BAP1: variants seen among roughly 807,000 people sequenced by gnomAD.
BAP1 encodes BRCA1 associated deubiquitinase 1, also known as ubiquitin carboxyl-terminal hydrolase BAP1.
In BAP1, 16 loss-of-function variants were observed where a neutral mutation model predicts 77.2. The ratio of observed to expected loss-of-function variants is 0.21; its 90% CI spans 0.14 to 0.31. BAP1 has a LOEUF of 0.31. BAP1 is among the 10% of genes least tolerant of loss of function. The probability of loss-of-function intolerance (pLI) is 1.00; values close to 1 mark genes in which losing one functional copy is unlikely to be tolerated. For synonymous variants in BAP1, 362 were observed against 385.2 expected (o/e 0.94, Z 0.71); for missense variants, 699 against 967.3 (o/e 0.72, Z 3.68).
chr3:52,401,274 G>C lies in BAP1; in HGVS notation c.*1014C>G. On this transcript the variant is annotated 3_prime_UTR_variant, in exon 17 of 17. Transcript: ENST00000460680. ...GGCATCAGGTCCTCTGGAACACAGGGGCTCCAACGGGTTGTCTTGATCCTG... is the reference window on the plus strand; with the variant it reads ...GGCATCAGGTCCTCTGGAACACAGGCGCTCCAACGGGTTGTCTTGATCCTG... 4.3e-6 allele frequency: 1 copy of C among 233,388 alleles called. No homozygotes were observed. Among genetic ancestry groups the C allele is most frequent in the Non-Finnish European group, 8.5e-6 (1 of 117,970 alleles). 14.5% of individuals were successfully genotyped at this position (233,388 alleles called of 1,614,324 possible). A position where few individuals can be genotyped will look rare whatever the true frequency, so the allele number is the denominator to read the frequency against.
In BAP1 at chr3:52,406,536, C is replaced by A; in HGVS notation, c.660-160G>T. The A allele has an allele frequency of 8.7e-7, 1 of 1,155,204 alleles. No individual in the cohort carries two copies. 71.6% of individuals were successfully genotyped at this position (1,155,204 alleles called of 1,614,324 possible). A position where few individuals can be genotyped will look rare whatever the true frequency, so the allele number is the denominator to read the frequency against. On this transcript the variant is annotated intron_variant, in intron 8 of 16. Transcript: ENST00000460680. This position sits in a 1 kb window ranked among gnomAD's most constrained non-coding sequence, Gnocchi z 4.6. ...GCGACTAGCCATACATGCCAGGCAC[C>A]TGAGCTGGTACCTTCCAACAAGCTG... is the stretch of plus-strand genomic sequence containing the variant.
Position 52,402,653 on chromosome 3 carries a change from G to T in BAP1, c.2005C>A (p.His669Asn), listed in dbSNP as rs762288547. The change falls in exon 16 of 17, where the codon CAC becomes AAC. Residue 669 changes from histidine to asparagine, a missense_variant. Coordinates refer to ENST00000460680, the MANE Select transcript of BAP1 (RefSeq NM_004656.4). This position sits in a 1 kb window ranked among gnomAD's most constrained non-coding sequence, Gnocchi z 5.3. ...GTGCAGATGAACTCATCGTAGTTGT[G>T]GGTCCTTCTCTGGTCATCAATCTGT... ...KFKIDDQRRT[H>N]NYDEFICTFI... The T allele has an allele frequency of 1.2e-6, 2 of 1,614,182 alleles. No individual in the cohort carries two copies. Among genetic ancestry groups the T allele is most frequent in the Non-Finnish European group, 1.7e-6 (2 of 1,180,024 alleles).
At position 52,406,498 on chromosome 3, in the gene BAP1, C is replaced by G. The variant is rs1705164253; in HGVS notation, c.660-122G>C. Reference sequence around the variant, plus strand: ...GCAGCTGTAGGTATAGGCCCCACCCCAACAGGCAGGCAGCGACTAGCCATA... The same window carrying G: ...GCAGCTGTAGGTATAGGCCCCACCCGAACAGGCAGGCAGCGACTAGCCATA... On this transcript the variant is annotated intron_variant, in intron 8 of 16. Coordinates refer to ENST00000460680, the MANE Select transcript of BAP1 (RefSeq NM_004656.4). The surrounding 1 kb of genome is among the most constrained non-coding windows in gnomAD (Gnocchi z 4.6). The G allele has an allele frequency of 2.0e-6, 3 of 1,480,144 alleles. No individual in the cohort carries two copies. The highest frequency in any genetic ancestry group is 2.8e-6 in the Non-Finnish European group (3 of 1,089,916). 91.7% of individuals were successfully genotyped at this position (1,480,144 alleles called of 1,614,324 possible).
chr3:52,402,729 C>G lies in BAP1; in HGVS notation c.1983+50G>C, dbSNP rs780037860. On this transcript the variant is annotated intron_variant, in intron 15 of 16. Coordinates refer to ENST00000460680, the MANE Select transcript of BAP1 (RefSeq NM_004656.4). The surrounding 1 kb of genome is among the most constrained non-coding windows in gnomAD (Gnocchi z 5.3). ...GGAGCCAATCTTGCCAGAGCAGCCA[C>G]CAGTGGACCTCGGGAGAGGCCAGAT... 5.0e-6 allele frequency: 8 copies of G among 1,614,008 alleles called. No individual in the cohort carries two copies. Among genetic ancestry groups the G allele is most frequent in the Non-Finnish European group, 6.8e-6 (8 of 1,179,946 alleles).
At position 52,405,302 on chromosome 3, in the gene BAP1, A is replaced by G. The variant is rs878854743; in HGVS notation, c.932-8T>C. The G allele has an allele frequency of 1.9e-6, 3 of 1,613,486 alleles. No homozygotes were observed. Among genetic ancestry groups the G allele is most frequent in the Non-Finnish European group, 2.5e-6 (3 of 1,179,990 alleles). On this transcript the variant is annotated splice_polypyrimidine_tract_variant and splice_region_variant and intron_variant, in intron 10 of 16. Coordinates refer to ENST00000460680, the MANE Select transcript of BAP1 (RefSeq NM_004656.4). ...CCGCCTCCTCTGCACCATCTGAGAC[A>G]GGGCAAGAACACAGGCAGGACCTCC... is the stretch of plus-strand genomic sequence containing the variant.
chr3:52,405,411 G>C (rs531819819), intron 10 of BAP1, 117 bp from the exon 11 acceptor site: 2 of 1,082,602 alleles, frequency 1.8e-6, no homozygotes, highest in Admixed American at 4.1e-5. Context: ...GCCAGCTGGT[G>C]CAATGGGAGT....
Position 52,402,930 on chromosome 3 carries a change from G to A in BAP1, c.1891-59C>T, listed in dbSNP as rs755020488. On this transcript the variant is annotated intron_variant, in intron 14 of 16. Transcript: ENST00000460680. This position sits in a 1 kb window ranked among gnomAD's most constrained non-coding sequence, Gnocchi z 5.3. Reference sequence around the variant, plus strand: ...GCGGGCCAGCAACAAAGCCCCACGAGCAATAGGCAGCTAGAGGCAAGGATG... The same window carrying A: ...GCGGGCCAGCAACAAAGCCCCACGAACAATAGGCAGCTAGAGGCAAGGATG... 1 of 1,612,160 alleles carries A rather than the reference G, an allele frequency of 6.2e-7. No homozygotes were observed.
chr3:52,402,399 C>T lies in BAP1; in HGVS notation c.2079G>A (p.Glu693=), dbSNP rs550500585. ...AQEGMLANLV[E]QNISVRRRQG... The stretch of plus-strand genomic sequence containing the variant: ...GGCGCCGCCGCACGGAGATGTTCTG[C>T]TCCACTAGGTTGGCCAGCATGCCTG... The change falls in exon 17 of 17, where the codon GAG becomes GAA. Residue 693 remains glutamate, a synonymous_variant. Transcript: ENST00000460680. This position sits in a 1 kb window ranked among gnomAD's most constrained non-coding sequence, Gnocchi z 5.3. The T allele has an allele frequency of 6.4e-6, 10 of 1,568,486 alleles. No individual in the cohort carries two copies. Among genetic ancestry groups the T allele is most frequent in the Non-Finnish European group, 8.6e-6 (10 of 1,157,926 alleles).
chr3:52,402,675 CTG>C lies in BAP1; in HGVS notation c.1984-3_1984-2del, dbSNP rs1456503766. On this transcript the variant is annotated splice_acceptor_variant and splice_polypyrimidine_tract_variant and intron_variant, in intron 15 of 16. Transcript: ENST00000460680. LOFTEE classifies it high-confidence loss of function. This position sits in a 1 kb window ranked among gnomAD's most constrained non-coding sequence, Gnocchi z 5.3. The stretch of plus-strand genomic sequence containing the variant: ...TGTGGGTCCTTCTCTGGTCATCAAT[CTG>C]TAGGAGAGAAGAAGACTGAGAGCAC... 6.2e-7 allele frequency: 1 copy of C among 1,614,054 alleles called. No homozygotes were observed. Among genetic ancestry groups the C allele is most frequent in the East Asian group, 2.2e-5 (1 of 44,906 alleles).
At position 52,403,559 on chromosome 3, in the gene BAP1, T is replaced by C. The variant is rs1469563244; in HGVS notation, c.1586A>G (p.Lys529Arg). ...GCTGTCATCCTCTCCAAAAAGCACC[T>C]TGGAGATGTGGGAGGTGACAGGGCT... The part of the protein sequence containing the change: ...PSSPVTSHIS[K>R]VLFGEDDSLL... The change falls in exon 13 of 17, where the codon AAG becomes AGG. Residue 529 changes from lysine to arginine, a missense_variant. Coordinates refer to ENST00000460680, the MANE Select transcript of BAP1 (RefSeq NM_004656.4). This position sits in a 1 kb window ranked among gnomAD's most constrained non-coding sequence, Gnocchi z 4.0. 1.2e-6 allele frequency: 2 copies of C among 1,613,852 alleles called. No individual in the cohort carries two copies. Among genetic ancestry groups the C allele is most frequent in the Non-Finnish European group, 1.7e-6 (2 of 1,179,970 alleles).
At position 52,401,647 on chromosome 3, in the gene BAP1, G is replaced by A. The variant is rs773360470; in HGVS notation, c.*641C>T. The A allele has an allele frequency of 8.4e-6, 2 of 237,252 alleles. No homozygotes were observed. The highest frequency in any genetic ancestry group is 1.7e-5 in the Non-Finnish European group (2 of 120,456). The allele number at this position is 237,252 out of a possible 1,614,324, so 14.7% of individuals were successfully genotyped here. On this transcript the variant is annotated 3_prime_UTR_variant, in exon 17 of 17. Transcript: ENST00000460680. ...TCAGGCCATGGGATCCCAGCAGCCTGCTCACCCCAACCCCACTGGGACACC... is the reference window on the plus strand; with the variant it reads ...TCAGGCCATGGGATCCCAGCAGCCTACTCACCCCAACCCCACTGGGACACC...
At position 52,406,788 on chromosome 3, in the gene BAP1, C is replaced by T. The variant is rs2153227598; in HGVS notation, c.659+41G>A. The T allele has an allele frequency of 6.5e-7, 1 of 1,545,118 alleles. No homozygotes were observed. Among genetic ancestry groups the T allele is most frequent in the Non-Finnish European group, 8.8e-7 (1 of 1,140,928 alleles). ...CTCTCTGTCCCTCCCAAAGTAGGTACAGCTCCAGAGAGTAGAACAGGGCAG... is the reference window on the plus strand; with the variant it reads ...CTCTCTGTCCCTCCCAAAGTAGGTATAGCTCCAGAGAGTAGAACAGGGCAG... On this transcript the variant is annotated intron_variant, in intron 8 of 16. Coordinates refer to ENST00000460680, the MANE Select transcript of BAP1 (RefSeq NM_004656.4). This position sits in a 1 kb window ranked among gnomAD's most constrained non-coding sequence, Gnocchi z 4.6.
chr3:52,403,494 G>A lies in BAP1; in HGVS notation c.1651C>T (p.Arg551Cys), dbSNP rs755664216. Residue 551 changes from arginine (R) to cysteine (C), a missense_variant, in exon 13 of 17, where the codon CGT becomes TGT. Arg to Cys is a radical substitution (Grantham distance 180). This residue lies in a region of BAP1 where 475 missense variants were observed against 532.4 expected (regional missense o/e 0.89). Transcript: ENST00000460680. The surrounding 1 kb of genome is among the most constrained non-coding windows in gnomAD (Gnocchi z 4.0). ...GTGCTGATGACAGGACCCAGATCACGGACAGCACGGTTGTAGCGTATGCAG... is the reference window on the plus strand; with the variant it reads ...GTGCTGATGACAGGACCCAGATCACAGACAGCACGGTTGTAGCGTATGCAG... The part of the protein sequence containing the change: ...VDCIRYNRAV[R>C]DLGPVISTGL... 15 of 1,613,912 alleles carry A rather than the reference G, an allele frequency of 9.3e-6. No homozygotes were observed. In the East Asian group the frequency reaches 1.6e-4, roughly 17 times the overall value.
Position 52,401,815 on chromosome 3 carries a change from C to A in BAP1, c.*473G>T. 3.8e-6 allele frequency: 1 copy of A among 263,652 alleles called. No homozygotes were observed. Among genetic ancestry groups the A allele is most frequent in the South Asian group, 1.0e-4 (1 of 9,754 alleles). 16.3% of individuals were successfully genotyped at this position (263,652 alleles called of 1,614,324 possible). A position where few individuals can be genotyped will look rare whatever the true frequency, so the allele number is the denominator to read the frequency against. Reference sequence around the variant, plus strand: ...GCAGGGCCCAGAGCCCAGGGCCCACCCAGGCCCCCAGCTAGGACCCTGTAG... The same window carrying A: ...GCAGGGCCCAGAGCCCAGGGCCCACACAGGCCCCCAGCTAGGACCCTGTAG... On this transcript the variant is annotated 3_prime_UTR_variant, in exon 17 of 17. Coordinates refer to ENST00000460680, the MANE Select transcript of BAP1 (RefSeq NM_004656.4).
rs2153226852 is a variant in BAP1 at position 52,404,507 on chromosome 3, T to C, written c.1196A>G (p.Asp399Gly). Residue 399 changes from aspartate (D) to glycine (G), a missense_variant, in exon 12 of 17, where the codon GAT becomes GGT. Around this residue, in one of 3 missense-constraint regions of BAP1, gnomAD observed 475 missense variants for 532.4 expected, o/e 0.89. Coordinates refer to ENST00000460680, the MANE Select transcript of BAP1 (RefSeq NM_004656.4). ...RPPQQYSDDE[D>G]DYEDDEEDDV... Reference sequence around the variant, plus strand: ...ATCCTCCTCGTCATCCTCATAGTCATCCTCATCATCTGAGTACTGCTGGGG... The same window carrying C: ...ATCCTCCTCGTCATCCTCATAGTCACCCTCATCATCTGAGTACTGCTGGGG... The C allele has an allele frequency of 6.2e-7, 1 of 1,614,198 alleles. No homozygotes were observed. Among genetic ancestry groups the C allele is most frequent in the South Asian group, 1.1e-5 (1 of 91,078 alleles).
Position 52,406,213 on chromosome 3 carries a change from G to T in BAP1, c.783+40C>A, listed in dbSNP as rs745931442. On this transcript the variant is annotated intron_variant, in intron 9 of 16. Transcript: ENST00000460680. This position sits in a 1 kb window ranked among gnomAD's most constrained non-coding sequence, Gnocchi z 4.6. ...GGGGAAGGGAGGAGGAATGCAGGGA[G>T]GGTTGGGCTGGGCAGAGGCCAGGAA... 5 of 1,613,742 alleles carry T rather than the reference G, an allele frequency of 3.1e-6. No homozygotes were observed.
In BAP1 at chr3:52,406,541, C is replaced by A; in HGVS notation, c.660-165G>T. The A allele has an allele frequency of 9.0e-7, 1 of 1,114,020 alleles. No individual in the cohort carries two copies. Among genetic ancestry groups the A allele is most frequent in the South Asian group, 1.4e-5 (1 of 72,206 alleles). The allele number at this position is 1,114,020 out of a possible 1,614,324, so 69.0% of individuals were successfully genotyped here. On this transcript the variant is annotated intron_variant, in intron 8 of 16. Transcript: ENST00000460680. The surrounding 1 kb of genome is among the most constrained non-coding windows in gnomAD (Gnocchi z 4.6). ...TAGCCATACATGCCAGGCACCTGAG[C>A]TGGTACCTTCCAACAAGCTGTATGA...
Position 52,402,329 on chromosome 3 carries a change from G to C in BAP1, c.2149C>G (p.Arg717Gly), listed in dbSNP as rs1451498951. 1 of 1,593,402 alleles carries C rather than the reference G, an allele frequency of 6.3e-7. No homozygotes were observed. Among genetic ancestry groups the C allele is most frequent in the Non-Finnish European group, 8.5e-7 (1 of 1,171,444 alleles). ...TTGTAGGGGCGAGAGCGTTTCCGCC[G>C]GTCAGGCTTCCGCTGCTTGTGGAGC... ...GRLHKQRKPD[R>G]RKRSRPYKAK... is the part of the protein sequence containing the mutation. The change falls in exon 17 of 17, where the codon CGG (arginine) becomes GGG (glycine). Residue 717 changes from arginine to glycine, a missense_variant. By Grantham distance (125) the Arg-to-Gly change is moderately radical. Transcript: ENST00000460680. This position sits in a 1 kb window ranked among gnomAD's most constrained non-coding sequence, Gnocchi z 5.3.
chr3:52,401,438 A>T lies in BAP1; in HGVS notation c.*850T>A, dbSNP rs1704950857. 4.3e-6 allele frequency: 1 copy of T among 233,532 alleles called. No individual in the cohort carries two copies. The highest frequency in any genetic ancestry group is 2.2e-5 in the African/African-American group (1 of 45,360). The allele number at this position is 233,532 out of a possible 1,614,324, so 14.5% of individuals were successfully genotyped here. A position where few individuals can be genotyped will look rare whatever the true frequency, so the allele number is the denominator to read the frequency against. ...ACATGGTAATACTGAGGGGCTGGAC[A>T]GAGGCTCTTCTGAGCCTCAAGCGCC... On this transcript the variant is annotated 3_prime_UTR_variant, in exon 17 of 17. Coordinates refer to ENST00000460680, the MANE Select transcript of BAP1 (RefSeq NM_004656.4).
Sources: gnomAD v4.1 joint callset for allele counts on GRCh38, gnomAD v4.1.1 for gene constraint, gnomAD v4.1.1 regional missense constraint, Gnocchi (gnomAD v3.1) non-coding constraint, MANE v1.5 for transcripts, NCBI Gene and HGNC (gene_info 2026-07-23, HGNC 2026-07-21) for gene names.